Variants in FAF1 observed in about 807,000 individuals in gnomAD.
FAF1 encodes the protein Fas associated factor 1, also known as FAS-associated factor 1.
A neutral mutation model predicts 92.5 loss-of-function variants in FAF1; 25 were observed. The ratio of observed to expected loss-of-function variants is 0.27; its 90% confidence interval spans 0.20 to 0.38. The LOEUF is 0.38. Among genes scored for constraint, FAF1 ranks in the 10% least tolerant of loss-of-function variants. The pLI is 1.00. For synonymous variants in FAF1, 234 were observed against 273.2 expected, an observed-to-expected ratio of 0.86 and a Z score of 1.42; for missense variants, 636 against 793.3, an observed-to-expected ratio of 0.80 and a Z score of 2.38.
At chr1:50,682,690 T>A (rs185006749) in intron 7 of FAF1, among the ~76,000 whole-genome samples, 1 of 152,340 alleles carries the variant, frequency 6.6e-6, no homozygotes, top group East Asian at 1.9e-4. Context: ...CTCAGCCATT[T>A]TGAAAGTAAC....
At chr1:50,765,543 A>G (rs796866091) in intron 4 of FAF1, among the ~76,000 whole-genome samples, 14 of 152,346 alleles carry the variant, frequency 9.2e-5, no homozygotes, top group African/African-American at 3.4e-4. Context: ...AAATGTAGTG[A>G]AAGTTGGATA....
At chr1:50,508,505 T>C (rs1316898954) in intron 15 of FAF1, among the ~76,000 whole-genome samples, 8 of 152,190 alleles carry the variant, frequency 5.3e-5, no homozygotes, top group Non-Finnish European at 1.2e-4. Context: ...TATGATTCCA[T>C]TTATAAGAAA....
intron 8 of FAF1, among the ~76,000 whole-genome samples, chr1:50,602,450 G>A (rs573387343): frequency 1.3e-5 from 2 of 151,760 alleles, no homozygotes; most frequent in African/African-American, 4.8e-5. Flanking sequence ...ACTTCAATAA[G>A]GCAGTATTCA....
chr1:50,615,752 T>G (rs2124153873), intron 8 of FAF1, among the ~76,000 whole-genome samples: 1 of 152,304 alleles, frequency 6.6e-6, no homozygotes, highest in East Asian at 1.9e-4. Context: ...GATTTTTGGA[T>G]ATAGAATTTT....
At chr1:50,636,302 G>C (rs1471537588) in intron 8 of FAF1, among the ~76,000 whole-genome samples, 2 of 146,090 alleles carry the variant, frequency 1.4e-5, no homozygotes, top group African/African-American at 5.1e-5. Flanking sequence ...ATTTCCTTGT[G>C]TTTTCTAGTC....
At chr1:50,688,272 T>C (rs898698271) in intron 7 of FAF1, among the ~76,000 whole-genome samples, 4 of 152,194 alleles carry the variant, frequency 2.6e-5, no homozygotes, top group African/African-American at 9.6e-5. Context: ...GTATATTCAC[T>C]GTGGAAACCT....
chr1:50,767,979 C>T (rs1017893748), intron 4 of FAF1, among the ~76,000 whole-genome samples: 4 of 152,014 alleles, frequency 2.6e-5, no homozygotes, highest in African/African-American at 9.7e-5. Flanking sequence ...GGCTAAAAGC[C>T]CCCATTAAAA....
chr1:50,733,332 G>C (rs949162790), intron 6 of FAF1, among the ~76,000 whole-genome samples: 1 of 152,068 alleles, frequency 6.6e-6, no homozygotes, highest in African/African-American at 2.4e-5. Context: ...TTCTCCATCT[G>C]TCTCCAATCT....
intron 7 of FAF1, among the ~76,000 whole-genome samples, chr1:50,667,905 T>C (rs1655704410): frequency 6.6e-6 from 1 of 152,216 alleles, no homozygotes; most frequent in South Asian, 2.1e-4. Context: ...CTTCCCACTC[T>C]GGTAGCACCA....
chr1:50,619,416 T>C (rs1474183364), intron 8 of FAF1, among the ~76,000 whole-genome samples: 1 of 152,230 alleles, frequency 6.6e-6, no homozygotes, highest in Non-Finnish European at 1.5e-5. Context: ...GGACCTCTTA[T>C]AAGGCTGGTC....
intron 18 of FAF1, among the ~76,000 whole-genome samples, chr1:50,444,010 G>A (rs1052578897): frequency 2.0e-5 from 3 of 152,210 alleles, no homozygotes; most frequent in Non-Finnish European, 2.9e-5. Flanking sequence ...AAACACGGCT[G>A]TGCTGGCTGC....
chr1:50,846,780 G>A (rs1644305036), intron 2 of FAF1: 1 of 696,190 alleles, frequency 1.4e-6, no homozygotes, highest in Admixed American at 1.8e-5. Context: ...AAAAGAATGT[G>A]AAGGGATTGT....
In FAF1 at chr1:50,729,055, TA is replaced by T. The variant is rs1266776371; in HGVS notation, c.551+9807del. Among the ~76,000 whole-genome samples the T allele has an allele frequency of 9.6e-3, 898 of 93,372 alleles. 16 individuals carry two copies. Among genetic ancestry groups the T allele is most frequent in the African/African-American group, 0.033 (782 of 24,056 alleles). 61.3% of individuals were successfully genotyped at this position (93,372 alleles called of 152,430 possible). A position where few individuals can be genotyped will look rare whatever the true frequency, so the allele number is the denominator to read the frequency against. ...CTATCTATATATATATATATATATA[TA>T]TATTTTTTTTTTTTTTGAGGCAGAG... On this transcript the variant is annotated intron_variant, in intron 6 of 18. Coordinates refer to ENST00000396153, the MANE Select transcript of FAF1 (RefSeq NM_007051.3).
chr1:50,766,326 C>G (rs1206214717), intron 4 of FAF1, among the ~76,000 whole-genome samples: 1 of 152,102 alleles, frequency 6.6e-6, no homozygotes, highest in African/African-American at 2.4e-5. Context: ...GCCATTACCC[C>G]CTAGAATACT....
intron 6 of FAF1, among the ~76,000 whole-genome samples, chr1:50,711,825 G>A (rs1657947152): frequency 6.6e-6 from 1 of 152,120 alleles, no homozygotes; most frequent in East Asian, 1.9e-4. Flanking sequence ...CTCCTTATGA[G>A]TAGAGTTTGT....
intron 4 of FAF1, among the ~76,000 whole-genome samples, chr1:50,761,640 G>A (rs555558243): frequency 3.3e-5 from 5 of 152,038 alleles, no homozygotes; most frequent in Admixed American, 6.6e-5. Context: ...ATTCAACAAC[G>A]CTTCATGCTA....
At position 50,841,829 on chromosome 1, in the gene FAF1, G is replaced by C. The variant is rs576069960; in HGVS notation, c.114+16100C>G. Among the ~76,000 whole-genome samples the C allele has an allele frequency of 5.9e-5, 9 of 152,174 alleles. No homozygotes were observed. In the South Asian group the frequency reaches 1.7e-3, roughly 28 times the overall value. Reference sequence around the variant, plus strand: ...AAAATTTTAAGGAGATCAATTAAAAGCATGGCCTGAATAAATTAATGATTC... The same window carrying C: ...AAAATTTTAAGGAGATCAATTAAAACCATGGCCTGAATAAATTAATGATTC... On this transcript the variant is annotated intron_variant, in intron 2 of 18. Transcript: ENST00000396153.
intron 8 of FAF1, among the ~76,000 whole-genome samples, chr1:50,630,824 A>G (rs1653741861): frequency 1.5e-5 from 2 of 131,190 alleles, no homozygotes; most frequent in Non-Finnish European, 1.6e-5. Flanking sequence ...CTAGTGTATC[A>G]TATCTTTTTT....
At chr1:50,713,578 AACT>A (rs1367624188) in intron 6 of FAF1, among the ~76,000 whole-genome samples, 1 of 151,880 alleles carries the variant, frequency 6.6e-6, no homozygotes, top group Non-Finnish European at 1.5e-5. Flanking sequence ...CCGGCCAAAA[AACT>A]ACGTTTTCTT....
Sources: allele counts gnomAD v4.1 joint callset (sites outside exome capture counted in the v4.1 genomes callset), GRCh38; gene constraint gnomAD v4.1.1; transcripts MANE v1.5; gene names NCBI Gene and HGNC (gene_info 2026-07-23, HGNC 2026-07-21).